The following FARP1 variants were observed in gnomAD, a reference collection of about 807,000 sequenced individuals.
FARP1 encodes FERM, ARH/RhoGEF and pleckstrin domain protein 1, also known as FERM, ARHGEF and pleckstrin domain-containing protein 1.
Under a neutral mutation model 128.8 loss-of-function variants are expected in FARP1, and 52 were observed. The observed-to-expected ratio is 0.40, with a 90% CI of 0.32 to 0.51. FARP1 has a LOEUF of 0.51. FARP1 is among the 20% of genes least tolerant of loss of function. FARP1 has a pLI of 0.45. For synonymous variants in FARP1, 580 were observed against 551.8 expected, an observed-to-expected ratio of 1.05 and a Z score of -0.72; for missense variants, 1,333 against 1,367.9, an observed-to-expected ratio of 0.97 and a Z score of 0.40.
rs1283304307 is a variant in FARP1 at position 98,177,034 on chromosome 13, C to T, written c.-24+33542C>T. On this transcript the variant is annotated intron_variant, in intron 1 of 26. Coordinates refer to ENST00000319562, the MANE Select transcript of FARP1 (RefSeq NM_005766.4). ...AGCCGCCTTCTGCCAGCTGTGGAGG[C>T]CCCGGGGCCTCGGTGCCACCCGCGG... is the stretch of plus-strand genomic sequence containing the variant. 5 of 1,594,554 alleles carry T rather than the reference C, an allele frequency of 3.1e-6. No individual in the cohort carries two copies. In the African/African-American group the frequency reaches 5.3e-5, roughly 17 times the overall value.
chr13:98,439,270 TGAG>T, intron 21 of FARP1, 74 bp downstream of exon 21: 3 of 1,019,850 alleles, frequency 2.9e-6, no homozygotes, highest in Non-Finnish European at 4.5e-6. Context: ...GACCCGGCGA[TGAG>T]GAGGGAAGGA....
At chr13:98,187,836 T>C (rs1878978837) in intron 1 of FARP1, among the ~76,000 whole-genome samples, 1 of 152,228 alleles carries the variant, frequency 6.6e-6, no homozygotes. Context: ...CCTGTTGATG[T>C]AATTTCTGTG....
intron 2 of FARP1, among the ~76,000 whole-genome samples, chr13:98,229,947 A>G (rs1462111224): frequency 6.6e-6 from 1 of 152,204 alleles, no homozygotes; most frequent in Non-Finnish European, 1.5e-5. Flanking sequence ...TTATTGTATG[A>G]GTGTTGAAGA....
At chr13:98,224,256 G>C (rs1242614357) in intron 2 of FARP1, among the ~76,000 whole-genome samples, 1 of 152,072 alleles carries the variant, frequency 6.6e-6, no homozygotes, top group South Asian at 2.1e-4. Context: ...GGCCAGGCGT[G>C]GTGGCTCATG....
intron 24 of FARP1, chr13:98,445,341 C>G (rs1393978602): frequency 6.6e-6 from 1 of 152,260 alleles, no homozygotes; most frequent in Non-Finnish European, 1.5e-5. Flanking sequence ...GGCAAAGGGA[C>G]GAAATGAGCC....
At chr13:98,256,867 A>T (rs1467684028) in intron 2 of FARP1, among the ~76,000 whole-genome samples, 5 of 46,812 alleles carry the variant, frequency 1.1e-4, no homozygotes, top group African/African-American at 1.9e-4. Context: ...GCCTTACTAC[A>T]GTTTTTTTTT....
chr13:98,385,059 C>A (rs896836525), intron 7 of FARP1, among the ~76,000 whole-genome samples: 1 of 152,140 alleles, frequency 6.6e-6, no homozygotes, highest in Non-Finnish European at 1.5e-5. Flanking sequence ...TTTAAGGATG[C>A]CCATGCTTTG....
intron 2 of FARP1, among the ~76,000 whole-genome samples, chr13:98,217,458 T>C (rs1257409593): frequency 6.6e-6 from 1 of 152,184 alleles, no homozygotes; most frequent in African/African-American, 2.4e-5. Context: ...TCTACGACCG[T>C]CGTCGCAGGA....
intron 1 of FARP1, among the ~76,000 whole-genome samples, chr13:98,172,192 A>G (rs1256322463): frequency 6.6e-6 from 1 of 151,330 alleles, no homozygotes; most frequent in Non-Finnish European, 1.5e-5. Flanking sequence ...GACTTTTCTC[A>G]GTGGGAGTCC....
Position 98,312,615 on chromosome 13 carries a change from G to T in FARP1, c.172-31147G>T, listed in dbSNP as rs144678409. Among the ~76,000 whole-genome samples, 921 of 152,250 alleles carry T rather than the reference G, an allele frequency of 6.0e-3. 12 individuals are homozygous for T. Among genetic ancestry groups the T allele is most frequent in the African/African-American group, 0.021 (876 of 41,522 alleles). On this transcript the variant is annotated intron_variant, in intron 2 of 26. Coordinates refer to ENST00000319562, the MANE Select transcript of FARP1 (RefSeq NM_005766.4). ...CCCCACCGGAAAAGAGGTCAGTATA[G>T]CTCAGTGGAATAATTAGTACACCCA...
At chr13:98,354,143 C>T (rs771889736) in intron 3 of FARP1, among the ~76,000 whole-genome samples, 1 of 152,210 alleles carries the variant, frequency 6.6e-6, no homozygotes, top group Admixed American at 6.5e-5. Flanking sequence ...TCACATATAT[C>T]TCTAATACCA....
intron 1 of FARP1, among the ~76,000 whole-genome samples, chr13:98,145,905 A>ATTGTTTTGTT (rs10645726): frequency 0.29 from 44,199 of 150,978 alleles, 6,944 homozygotes; most frequent in Non-Finnish European, 0.35. Context: ...GCCCAAGGAA[A>ATTGTTTTGTT]TTGTTTTGTT....
At chr13:98,408,665 C>T (rs756171418) in intron 13 of FARP1, among the ~76,000 whole-genome samples, 1 of 152,180 alleles carries the variant, frequency 6.6e-6, no homozygotes, top group Non-Finnish European at 1.5e-5. Flanking sequence ...TTCTCAAGGA[C>T]TCATGGTACC....
At chr13:98,193,031 G>C (rs1471730585) in intron 1 of FARP1, among the ~76,000 whole-genome samples, 1 of 151,410 alleles carries the variant, frequency 6.6e-6, no homozygotes, top group Non-Finnish European at 1.5e-5. Flanking sequence ...AATAATTATG[G>C]TTGCCAATTA....
chr13:98,224,221 C>T (rs890968992), intron 2 of FARP1, among the ~76,000 whole-genome samples: 5 of 152,010 alleles, frequency 3.3e-5, no homozygotes, highest in African/African-American at 1.2e-4. Flanking sequence ...ACTACAAACC[C>T]GTGGCTTAAA....
At chr13:98,368,077 A>G (rs776648702) in intron 4 of FARP1, 40 bp from the exon 5 acceptor site, 1 of 1,508,246 alleles carries the variant, frequency 6.6e-7, no homozygotes, top group Non-Finnish European at 9.2e-7. Flanking sequence ...TTGAAACACA[A>G]ATCAGTAAAT....
At chr13:98,281,850 T>C (rs905357062) in intron 2 of FARP1, among the ~76,000 whole-genome samples, 1 of 152,186 alleles carries the variant, frequency 6.6e-6, no homozygotes, top group African/African-American at 2.4e-5. Context: ...AATTTGGACT[T>C]CAGCTGTTAT....
At chr13:98,188,863 G>A (rs2139227745) in intron 1 of FARP1, among the ~76,000 whole-genome samples, 1 of 152,328 alleles carries the variant, frequency 6.6e-6, no homozygotes, top group Non-Finnish European at 1.5e-5. Flanking sequence ...ATGGGCCCAG[G>A]CTCCTTTCTG....
chr13:98,388,152 C>G (rs1890169948), intron 8 of FARP1, among the ~76,000 whole-genome samples: 1 of 152,026 alleles, frequency 6.6e-6, no homozygotes, highest in Non-Finnish European at 1.5e-5. Context: ...TTCTTCTCTC[C>G]CTAGAGGCAG....
Sources: allele counts gnomAD v4.1 joint callset (sites outside exome capture counted in the v4.1 genomes callset), GRCh38; gene constraint gnomAD v4.1.1; transcripts MANE v1.5; gene names NCBI Gene and HGNC (gene_info 2026-07-23, HGNC 2026-07-21).